The following RGS7 variants were observed in gnomAD, a reference collection of about 807,000 sequenced individuals.
RGS7 encodes the protein regulator of G-protein signaling 7.
A neutral mutation model predicts 81.1 loss-of-function variants in RGS7; 27 were observed. The ratio of observed to expected loss-of-function variants is 0.33; its 90% CI spans 0.25 to 0.46. The LOEUF is 0.46. Ranked by LOEUF, RGS7 falls within the 20% of genes least tolerant of loss-of-function variation. The pLI is 1.00. For missense variants in RGS7, 396 were observed against 607.4 expected (o/e 0.65, Z 3.66); for synonymous variants, 208 against 207.7 (o/e 1.00, Z -0.01).
At chr1:241,278,770 C>T (rs147175601) in intron 2 of RGS7, among the ~76,000 whole-genome samples, 6 of 152,282 alleles carry the variant, frequency 3.9e-5, no homozygotes, top group African/African-American at 1.4e-4. Context: ...TGCCACGTGG[C>T]GCATCCTGAC....
At chr1:241,234,320 T>C (rs1461092174) in intron 2 of RGS7, among the ~76,000 whole-genome samples, 1 of 152,196 alleles carries the variant, frequency 6.6e-6, no homozygotes, top group African/African-American at 2.4e-5. Flanking sequence ...AATTTTTTGC[T>C]AGGCATAAAG....
At chr1:241,048,710 T>G (rs1371896797) in intron 3 of RGS7, among the ~76,000 whole-genome samples, 1 of 152,174 alleles carries the variant, frequency 6.6e-6, no homozygotes, top group African/African-American at 2.4e-5. Flanking sequence ...ATATGTAAAG[T>G]TTTCTGTTTC....
intron 14 of RGS7, among the ~76,000 whole-genome samples, chr1:240,806,770 C>T (rs1302326657): frequency 6.6e-6 from 1 of 151,828 alleles, no homozygotes; most frequent in African/African-American, 2.4e-5. Flanking sequence ...GGAGATAAAG[C>T]TGTGCATTAC....
intron 2 of RGS7, among the ~76,000 whole-genome samples, chr1:241,302,648 TATC>T (rs1482988412): frequency 2.0e-5 from 3 of 152,226 alleles, no homozygotes; most frequent in Non-Finnish European, 4.4e-5. Flanking sequence ...AAATTTTTCT[TATC>T]ATACAAAATT....
At chr1:241,317,855 A>C (rs967504384) in intron 2 of RGS7, among the ~76,000 whole-genome samples, 1 of 152,198 alleles carries the variant, frequency 6.6e-6, no homozygotes, top group African/African-American at 2.4e-5. Flanking sequence ...TAATATCATC[A>C]TCTCCTTTGC....
intron 2 of RGS7, among the ~76,000 whole-genome samples, chr1:241,291,461 C>T (rs981395551): frequency 4.6e-5 from 7 of 150,564 alleles, no homozygotes; most frequent in African/African-American, 1.7e-4. Flanking sequence ...GGGTGGAAAA[C>T]AGTATATTGT....
intron 2 of RGS7, among the ~76,000 whole-genome samples, chr1:241,301,177 C>T (rs1344846568): frequency 6.6e-6 from 1 of 152,242 alleles, no homozygotes; most frequent in Non-Finnish European, 1.5e-5. Context: ...ATGGTTTTCA[C>T]ATTCTACCCT....
chr1:241,330,108 T>C (rs2081880197), intron 2 of RGS7, among the ~76,000 whole-genome samples: 1 of 152,026 alleles, frequency 6.6e-6, no homozygotes, highest in African/African-American at 2.4e-5. Context: ...CTCGGATAAT[T>C]TTTTGTATTT....
At chr1:241,185,990 T>A (rs889134244) in intron 2 of RGS7, among the ~76,000 whole-genome samples, 1 of 151,986 alleles carries the variant, frequency 6.6e-6, no homozygotes, top group African/African-American at 2.4e-5. Flanking sequence ...ATCAGTAAAA[T>A]TGAAAGCAAG....
At chr1:241,023,728 CT>C (rs746533307) in intron 3 of RGS7, among the ~76,000 whole-genome samples, 4 of 152,078 alleles carry the variant, frequency 2.6e-5, no homozygotes, top group Non-Finnish European at 4.4e-5. Context: ...TTTTACAATG[CT>C]TTTCATATTG....
chr1:241,048,272 T>C (rs116257687), intron 3 of RGS7, among the ~76,000 whole-genome samples: 2,122 of 152,206 alleles, frequency 0.014, 46 homozygotes, highest in African/African-American at 0.048. Context: ...CTGGTGAGCC[T>C]AATGAGGCAC....
chr1:241,292,383 AG>A (rs1350164610), intron 2 of RGS7, among the ~76,000 whole-genome samples: 1 of 152,200 alleles, frequency 6.6e-6, no homozygotes, highest in Non-Finnish European at 1.5e-5. Flanking sequence ...ATAAAAAGAG[AG>A]GACTCAAAGG....
intron 2 of RGS7, among the ~76,000 whole-genome samples, chr1:241,340,610 C>T (rs907365000): frequency 5.3e-5 from 8 of 152,144 alleles, no homozygotes; most frequent in East Asian, 1.9e-4. Context: ...TTCTTAATTA[C>T]GCTTCATCAC....
At chr1:240,821,437 G>A (rs1157699832) in intron 10 of RGS7, among the ~76,000 whole-genome samples, 1 of 152,178 alleles carries the variant, frequency 6.6e-6, no homozygotes, top group East Asian at 1.9e-4. Flanking sequence ...GGGCAAGACA[G>A]AGTGAGACTC....
intron 2 of RGS7, among the ~76,000 whole-genome samples, chr1:241,282,182 A>G (rs987742988): frequency 1.7e-4 from 26 of 152,178 alleles, no homozygotes; most frequent in African/African-American, 5.8e-4. Context: ...CCCAGTGTCT[A>G]TCATTCCCAT....
intron 3 of RGS7, among the ~76,000 whole-genome samples, chr1:241,095,548 G>A (rs2064186990): frequency 6.6e-6 from 1 of 152,092 alleles, no homozygotes; most frequent in Non-Finnish European, 1.5e-5. Flanking sequence ...CCAGCTACTT[G>A]GGATGCTGAG....
intron 3 of RGS7, among the ~76,000 whole-genome samples, chr1:241,037,171 T>C (rs1351073784): frequency 1.3e-5 from 2 of 152,158 alleles, no homozygotes; most frequent in Admixed American, 1.3e-4. Flanking sequence ...ATAGGCTTAG[T>C]CGTTATGGAG....
intron 4 of RGS7, among the ~76,000 whole-genome samples, chr1:240,963,321 A>G (rs570847286): frequency 6.6e-6 from 1 of 152,340 alleles, no homozygotes; most frequent in Non-Finnish European, 1.5e-5. Flanking sequence ...AAGAGAGTCC[A>G]GAGGTATATT....
intron 6 of RGS7, among the ~76,000 whole-genome samples, chr1:240,875,437 T>C (rs1665232878): frequency 6.6e-6 from 1 of 152,232 alleles, no homozygotes. Flanking sequence ...CGCCTGTTGC[T>C]GGACACTTAG....
Sources: gnomAD v4.1 joint callset for allele counts (sites outside exome capture counted in the v4.1 genomes callset) on GRCh38, gnomAD v4.1.1 for gene constraint, MANE v1.5 for transcripts, NCBI Gene and HGNC (gene_info 2026-07-23, HGNC 2026-07-21) for gene names.